PTGDR: variants seen among roughly 807,000 people sequenced by gnomAD.
PTGDR encodes PGD2 receptor.
A neutral mutation model predicts 17.4 loss-of-function variants in PTGDR; 19 were observed. That is an observed-to-expected ratio of 1.09 (90% CI 0.76 to 1.60). The LOEUF (loss-of-function observed/expected upper bound fraction) is 1.60. PTGDR is among the 40% of genes most tolerant of loss of function. PTGDR has a pLI of 0.00. For synonymous variants in PTGDR, 267 were observed against 224.2 expected, an observed-to-expected ratio of 1.19 and a Z score of -1.71; for missense variants, 526 against 481.9, an observed-to-expected ratio of 1.09 and a Z score of -0.86.
In PTGDR at chr14:52,274,952, A is replaced by C; in HGVS notation, c.1068A>C (p.Glu356Asp). The C allele has an allele frequency of 6.4e-7, 1 of 1,568,666 alleles. No homozygotes were observed. The highest frequency in any genetic ancestry group is 8.8e-7 in the Non-Finnish European group (1 of 1,140,266). The change falls in exon 2 of 2, where the codon GAA (glutamate) becomes GAC (aspartate). Residue 356 changes from glutamate to aspartate, a missense_variant. Coordinates refer to ENST00000306051, the MANE Select transcript of PTGDR (RefSeq NM_000953.3). ...RSRCSNSTNM[E>D]SSL ...GGTGCAGCAATTCCACTAACATGGAATCCAGTCTGTGACAGTGTTTTTCAC... is the reference window on the plus strand; with the variant it reads ...GGTGCAGCAATTCCACTAACATGGACTCCAGTCTGTGACAGTGTTTTTCAC...
intron 1 of PTGDR, among the ~76,000 whole-genome samples, chr14:52,273,485 T>C (rs576258904): frequency 2.0e-5 from 3 of 152,184 alleles, no homozygotes; most frequent in Admixed American, 1.3e-4. Context: ...TCATCAAGAT[T>C]AATCAAATAC....
Position 52,275,353 on chromosome 14 carries a change from A to G in PTGDR, c.*389A>G, listed in dbSNP as rs933773169. On this transcript the variant is annotated 3_prime_UTR_variant, in exon 2 of 2. Transcript: ENST00000306051. ...AAACACCACTGTTTACGATTATACG[A>G]TGGACATTCATAAAAAGCATAATTT... 1.2e-5 allele frequency: 2 copies of G among 163,772 alleles called. No homozygotes were observed. The highest frequency in any genetic ancestry group is 1.2e-4 in the Admixed American group (2 of 17,028). The allele number at this position is 163,772 out of a possible 1,614,324, so 10.1% of individuals were successfully genotyped here.
At chr14:52,272,783 T>C (rs41312472) in intron 1 of PTGDR, among the ~76,000 whole-genome samples, 33,647 of 152,096 alleles carry the variant, frequency 0.22, 4,002 homozygotes, top group Middle Eastern at 0.33. Context: ...TCGCACCTAT[T>C]CTTTCTGCTC....
Position 52,268,452 on chromosome 14 carries a change from C to T in PTGDR, c.638C>T (p.Ala213Val), listed in dbSNP as rs1433098557. ...YSSLMALLVL[A>V]TVLCNLGAMR... Reference sequence around the variant, plus strand: ...AGCCTCATGGCGCTGCTGGTCCTCGCCACCGTGCTGTGCAACCTCGGCGCC... The same window carrying T: ...AGCCTCATGGCGCTGCTGGTCCTCGTCACCGTGCTGTGCAACCTCGGCGCC... Residue 213 changes from alanine (A) to valine (V), a missense_variant, in exon 1 of 2, where the codon GCC becomes GTC. Transcript: ENST00000306051. 1 of 1,609,948 alleles carries T rather than the reference C, an allele frequency of 6.2e-7. No homozygotes were observed. The highest frequency in any genetic ancestry group is 8.5e-7 in the Non-Finnish European group (1 of 1,180,020).
In PTGDR at chr14:52,268,338, T is replaced by C. The variant is rs2033251971; in HGVS notation, c.524T>C (p.Val175Ala). The C allele has an allele frequency of 1.2e-6, 2 of 1,613,660 alleles. No homozygotes were observed. The highest frequency in any genetic ancestry group is 1.7e-5 in the Admixed American group (1 of 60,030). The change falls in exon 1 of 2, where the codon GTG (valine) becomes GCG (alanine). Residue 175 changes from valine to alanine, a missense_variant. Transcript: ENST00000306051. ...ALPFMGFGKF[V>A]QYCPGTWCFI... ...CCTTTCATGGGCTTCGGGAAGTTCGTGCAGTACTGCCCCGGCACCTGGTGC... is the reference window on the plus strand; with the variant it reads ...CCTTTCATGGGCTTCGGGAAGTTCGCGCAGTACTGCCCCGGCACCTGGTGC...
intron 1 of PTGDR, among the ~76,000 whole-genome samples, chr14:52,271,259 A>G (rs985003534): frequency 6.6e-6 from 1 of 152,182 alleles, no homozygotes; most frequent in Non-Finnish European, 1.5e-5. Flanking sequence ...ACTTCCATGT[A>G]TTATTGTTGC....
In PTGDR at chr14:52,275,583, A is replaced by T. The variant is rs966702450; in HGVS notation, c.*619A>T. 1 of 152,468 alleles carries T rather than the reference A, an allele frequency of 6.6e-6. No individual in the cohort carries two copies. Among genetic ancestry groups the T allele is most frequent in the South Asian group, 2.1e-4 (1 of 4,830 alleles). 9.4% of individuals were successfully genotyped at this position (152,468 alleles called of 1,614,324 possible). On this transcript the variant is annotated 3_prime_UTR_variant, in exon 2 of 2. Transcript: ENST00000306051. ...GGAGTACTTGCTGCCTCAGGTGGAG[A>T]CCTGAAGCTGTAACTAGATGCAGAG... is the stretch of plus-strand genomic sequence containing the variant.
downstream of PTGDR, among the ~76,000 whole-genome samples, chr14:52,279,574 A>T (rs1294825713): frequency 6.6e-6 from 1 of 152,080 alleles, no homozygotes; most frequent in Non-Finnish European, 1.5e-5. Flanking sequence ...AGCACATAGG[A>T]TGGGTGGTAC....
chr14:52,274,742 C>T lies in PTGDR; in HGVS notation c.858C>T (p.Tyr286=). Residue 286 remains tyrosine (Y), a synonymous_variant, in exon 2 of 2, where the codon TAC becomes TAT. Transcript: ENST00000306051. ...TTTCTTCAAAACAGTATCGCGCTTA[C>T]TATGGAGCATTTAAGGATGTCAAGG... The part of the protein sequence containing the change: ...MCSLPVIYRA[Y]YGAFKDVKEK... 3.7e-6 allele frequency: 6 copies of T among 1,610,250 alleles called. No individual in the cohort carries two copies. The highest frequency in any genetic ancestry group is 5.1e-6 in the Non-Finnish European group (6 of 1,176,484).
chr14:52,271,750 A>G (rs1254609), intron 1 of PTGDR, among the ~76,000 whole-genome samples: 104,067 of 152,104 alleles, frequency 0.68, 36,504 homozygotes, highest in Middle Eastern at 0.85. Context: ...TCTAGCCTCC[A>G]TAAAATTCAC....
chr14:52,278,361 G>A (rs547914309), downstream of PTGDR, among the ~76,000 whole-genome samples: 8 of 152,164 alleles, frequency 5.3e-5, no homozygotes, highest in South Asian at 6.2e-4. Context: ...GCAAACTATC[G>A]CAAAGACAAA....
At chr14:52,268,715 C>A (rs562280727) in intron 1 of PTGDR, 55 bp downstream of exon 1, 1 of 1,501,906 alleles carries the variant, frequency 6.7e-7, no homozygotes, top group Non-Finnish European at 8.9e-7. Flanking sequence ...GCCGCGGATG[C>A]GGGGCGGGAA....
At position 52,268,390 on chromosome 14, in the gene PTGDR, C is replaced by T. The variant is rs34968651; in HGVS notation, c.576C>T (p.Gly192=). 0.087 allele frequency: 140,092 copies of T among 1,612,016 alleles called. 6,842 individuals are homozygous for T. The highest frequency in any genetic ancestry group is 0.14 in the South Asian group (13,138 of 91,082). The change falls in exon 1 of 2, where the codon GGC becomes GGT. Residue 192 remains glycine, a synonymous_variant. Transcript: ENST00000306051. ...WCFIQMVHEE[G]SLSVLGYSVL... is the part of the protein sequence containing the mutation. ...TTATCCAGATGGTCCACGAGGAGGG[C>T]TCGCTGTCGGTGCTGGGGTACTCTG...
downstream of PTGDR, among the ~76,000 whole-genome samples, chr14:52,279,086 A>C (rs895669908): frequency 1.3e-5 from 2 of 152,160 alleles, no homozygotes; most frequent in African/African-American, 4.8e-5. Context: ...AGTAATTCAC[A>C]TATATACTGT....
chr14:52,267,966 G>A lies in PTGDR; in HGVS notation c.152G>A (p.Arg51Gln), dbSNP rs1471110272. ...LARSGLGWCSRRPLRPLPSVF... is the reference protein window; with the variant it reads ...LARSGLGWCSQRPLRPLPSVF... ...CGCTCGGGGCTGGGGTGGTGCTCGC[G>A]GCGTCCACTGCGCCCGCTGCCCTCG... The change falls in exon 1 of 2, where the codon CGG becomes CAG. Residue 51 changes from arginine to glutamine, a missense_variant. Coordinates refer to ENST00000306051, the MANE Select transcript of PTGDR (RefSeq NM_000953.3). 3.1e-6 allele frequency: 5 copies of A among 1,609,218 alleles called. No individual in the cohort carries two copies. The highest frequency in any genetic ancestry group is 2.7e-5 in the African/African-American group (2 of 74,892).
chr14:52,280,106 C>A (rs1041065987), downstream of PTGDR, among the ~76,000 whole-genome samples: 1 of 152,020 alleles, frequency 6.6e-6, no homozygotes, highest in South Asian at 2.1e-4. Context: ...AACAATAAAG[C>A]CCCAAATCAG....
intron 1 of PTGDR, among the ~76,000 whole-genome samples, chr14:52,272,596 C>G (rs879344657): frequency 2.0e-5 from 3 of 152,166 alleles, no homozygotes; most frequent in Non-Finnish European, 4.4e-5. Flanking sequence ...CCTGGACATC[C>G]CTGCCAGGCA....
rs754290373 is a variant in PTGDR at position 52,268,398 on chromosome 14, C to T, written c.584C>T (p.Ser195Leu). Reference protein sequence around the residue: ...IQMVHEEGSLSVLGYSVLYSS... With the variant: ...IQMVHEEGSLLVLGYSVLYSS... ...ATGGTCCACGAGGAGGGCTCGCTGT[C>T]GGTGCTGGGGTACTCTGTGCTCTAC... The change falls in exon 1 of 2, where the codon TCG becomes TTG. Residue 195 changes from serine (S) to leucine (L), a missense_variant. Ser to Leu is a moderately radical substitution (Grantham distance 145, BLOSUM62 -2). Coordinates refer to ENST00000306051, the MANE Select transcript of PTGDR (RefSeq NM_000953.3). 38 of 1,611,572 alleles carry T rather than the reference C, an allele frequency of 2.4e-5. No individual in the cohort carries two copies. In the Admixed American group the frequency reaches 5.0e-4, roughly 21 times the overall value.
At chr14:52,273,307 C>T (rs889847107) in intron 1 of PTGDR, among the ~76,000 whole-genome samples, 2 of 152,194 alleles carry the variant, frequency 1.3e-5, no homozygotes, top group South Asian at 4.1e-4. Flanking sequence ...GCCACCGTGC[C>T]CGGCCTGAAA....
Sources: allele counts gnomAD v4.1 joint callset (sites outside exome capture counted in the v4.1 genomes callset), GRCh38; gene constraint gnomAD v4.1.1; transcripts MANE v1.5; gene names NCBI Gene and HGNC (gene_info 2026-07-23, HGNC 2026-07-21).